SNTG1: variants seen among roughly 807,000 people sequenced by gnomAD.
SNTG1 encodes the protein gamma-1-syntrophin.
Under a neutral mutation model 74.7 loss-of-function variants are expected in SNTG1, and 39 were observed. That is an observed-to-expected ratio of 0.52 (90% CI 0.40 to 0.68). SNTG1 has a LOEUF of 0.68. SNTG1 is among the 30% of genes least tolerant of loss of function. The pLI, the probability that SNTG1 is intolerant of heterozygous loss-of-function variation, is 0.00. For synonymous variants in SNTG1, 254 were observed against 217.1 expected, an observed-to-expected ratio of 1.17 and a Z score of -1.49; for missense variants, 685 against 609.5, an observed-to-expected ratio of 1.12 and a Z score of -1.30.
At chr8:50,023,792 G>C (rs183537513) in intron 1 of SNTG1, among the ~76,000 whole-genome samples, 3 of 152,214 alleles carry the variant, frequency 2.0e-5, no homozygotes, top group Admixed American at 2.0e-4. Flanking sequence ...AGGAATGAAT[G>C]GCAATTATAA....
intron 2 of SNTG1, among the ~76,000 whole-genome samples, chr8:50,218,272 C>A (rs1382512787): frequency 6.6e-6 from 1 of 152,152 alleles, no homozygotes; most frequent in Non-Finnish European, 1.5e-5. Flanking sequence ...GGCCTGAATG[C>A]ACGTTTAGCA....
intron 4 of SNTG1, among the ~76,000 whole-genome samples, chr8:50,411,585 G>T (rs2092949878): frequency 6.6e-6 from 1 of 152,036 alleles, no homozygotes; most frequent in African/African-American, 2.4e-5. Context: ...TTTTATAACA[G>T]AAAGATAATA....
intron 1 of SNTG1, among the ~76,000 whole-genome samples, chr8:49,964,528 T>C (rs1235689031): frequency 6.6e-6 from 1 of 152,198 alleles, no homozygotes; most frequent in African/African-American, 2.4e-5. Flanking sequence ...AGGTGAATAA[T>C]AGGTAAACAG....
chr8:50,688,003 C>T (rs1475795064), intron 15 of SNTG1, among the ~76,000 whole-genome samples: 9 of 152,080 alleles, frequency 5.9e-5, no homozygotes, highest in Non-Finnish European at 1.3e-4. Flanking sequence ...TCTCTGATGG[C>T]CAATGATGAT....
chr8:50,449,610 G>A, intron 5 of SNTG1, 58 bp from the exon 6 acceptor site: 2 of 1,397,080 alleles, frequency 1.4e-6, no homozygotes, highest in South Asian at 1.5e-5. Flanking sequence ...TGGTTTCTTA[G>A]CTAAAAGCAG....
intron 2 of SNTG1, among the ~76,000 whole-genome samples, chr8:50,345,386 G>A (rs1440734232): frequency 6.6e-6 from 1 of 152,094 alleles, no homozygotes; most frequent in Non-Finnish European, 1.5e-5. Context: ...CCTGCTTCCT[G>A]GCTCTGCCCT....
chr8:49,978,203 C>T (rs1189787456), intron 1 of SNTG1, among the ~76,000 whole-genome samples: 3 of 151,428 alleles, frequency 2.0e-5, no homozygotes, highest in African/African-American at 7.3e-5. Flanking sequence ...AATTCCCCAA[C>T]TTAGACTAGA....
At chr8:50,634,362 G>A (rs1192200202) in intron 13 of SNTG1, among the ~76,000 whole-genome samples, 2 of 152,166 alleles carry the variant, frequency 1.3e-5, no homozygotes, top group African/African-American at 2.4e-5. Flanking sequence ...GCATCCGGAT[G>A]CCCTCTGCTG....
intron 1 of SNTG1, among the ~76,000 whole-genome samples, chr8:50,097,545 G>T (rs915146946): frequency 1.3e-5 from 2 of 151,938 alleles, no homozygotes; most frequent in African/African-American, 2.4e-5. Context: ...CCAGCTACTC[G>T]GGAGGCTGAG....
intron 1 of SNTG1, among the ~76,000 whole-genome samples, chr8:49,968,056 A>G (rs1585699491): frequency 6.7e-6 from 1 of 150,222 alleles, no homozygotes; most frequent in South Asian, 2.1e-4. Flanking sequence ...TGCTTACTCT[A>G]TACCTGGTGA....
chr8:50,776,308 C>A (rs1017061986), intron 18 of SNTG1, among the ~76,000 whole-genome samples: 79 of 149,990 alleles, frequency 5.3e-4, no homozygotes, highest in Non-Finnish European at 9.8e-4. Context: ...TATATCTTCA[C>A]ATTCTAGTGA....
intron 11 of SNTG1, among the ~76,000 whole-genome samples, chr8:50,537,588 T>G (rs2094316895): frequency 6.6e-6 from 1 of 152,164 alleles, no homozygotes; most frequent in Non-Finnish European, 1.5e-5. Flanking sequence ...GGGACTTTCT[T>G]GAATCTCTTA....
At chr8:50,072,594 T>C (rs75418496) in intron 1 of SNTG1, among the ~76,000 whole-genome samples, 3,488 of 152,292 alleles carry the variant, frequency 0.023, 53 homozygotes, top group Non-Finnish European at 0.036. Context: ...TACTTTATTG[T>C]TAATAAAGTT....
chr8:49,962,708 C>T (rs1025741544), intron 1 of SNTG1, among the ~76,000 whole-genome samples: 1 of 152,148 alleles, frequency 6.6e-6, no homozygotes, highest in Non-Finnish European at 1.5e-5. Context: ...GATGCTTCTG[C>T]CTCAGCCTCC....
chr8:50,650,044 T>C (rs2095135229), intron 13 of SNTG1, among the ~76,000 whole-genome samples: 1 of 151,874 alleles, frequency 6.6e-6, no homozygotes. Flanking sequence ...TTAGTGGTGG[T>C]AGTGTATATT....
chr8:50,042,777 A>G (rs1217241317), intron 1 of SNTG1, among the ~76,000 whole-genome samples: 1 of 151,028 alleles, frequency 6.6e-6, no homozygotes, highest in Admixed American at 6.6e-5. Context: ...TCCCCAGACT[A>G]GTCTAAATTC....
At chr8:49,995,960 C>G (rs1431087499) in intron 1 of SNTG1, among the ~76,000 whole-genome samples, 1 of 152,172 alleles carries the variant, frequency 6.6e-6, no homozygotes, top group African/African-American at 2.4e-5. Flanking sequence ...GAATCTATAA[C>G]TTCATGCTGA....
intron 13 of SNTG1, among the ~76,000 whole-genome samples, chr8:50,618,364 A>C (rs888491439): frequency 6.6e-6 from 1 of 152,198 alleles, no homozygotes; most frequent in Non-Finnish European, 1.5e-5. Flanking sequence ...TTGCATGCAT[A>C]ATCACTATTT....
chr8:50,675,564 A>G (rs1444802497), intron 15 of SNTG1, among the ~76,000 whole-genome samples: 2 of 151,524 alleles, frequency 1.3e-5, no homozygotes, highest in Non-Finnish European at 2.9e-5. Flanking sequence ...TGCACATGAG[A>G]TGGTTCTCCT....
Sources: gnomAD v4.1 joint callset for allele counts (sites outside exome capture counted in the v4.1 genomes callset) on GRCh38, gnomAD v4.1.1 for gene constraint, MANE v1.5 for transcripts, NCBI Gene and HGNC (gene_info 2026-07-23, HGNC 2026-07-21) for gene names.